Variants in TMEM263 observed in about 807,000 individuals in gnomAD.
TMEM263 encodes the protein UPF0444 transmembrane protein C12orf23.
TMEM263 carries 5 observed loss-of-function variants against 8.6 expected under a neutral mutation model. That is an observed-to-expected ratio of 0.58 (90% confidence interval 0.31 to 1.23). The LOEUF (loss-of-function observed/expected upper bound fraction) is 1.23, where lower values mean the gene tolerates loss of function less well. TMEM263 is among the 50% of genes most tolerant of loss of function. The pLI, the probability that TMEM263 is intolerant of heterozygous loss-of-function variation, is 0.07. For missense variants in TMEM263, 104 were observed against 138.8 expected, an observed-to-expected ratio of 0.75 and a Z score of 1.26; for synonymous variants, 50 against 47.9, an observed-to-expected ratio of 1.04 and a Z score of -0.18.
chr12:106,973,348 T>C lies in TMEM263; in HGVS notation c.*1957T>C, dbSNP rs1286909065. 4.6e-5 allele frequency: 7 copies of C among 152,636 alleles called. No individual in the cohort carries two copies. The highest frequency in any genetic ancestry group is 8.8e-5 in the Non-Finnish European group (6 of 68,012). 9.5% of individuals were successfully genotyped at this position (152,636 alleles called of 1,614,324 possible). On this transcript the variant is annotated 3_prime_UTR_variant, in exon 4 of 4. Coordinates refer to ENST00000280756, the MANE Select transcript of TMEM263 (RefSeq NM_152261.4). ...TTGCTTCATTGCTAGTTTGTATTTC[T>C]AACTTCTACAGTTATAGACTCCACT...
At chr12:106,963,429 A>G (rs988665540) in intron 2 of TMEM263, among the ~76,000 whole-genome samples, 1 of 152,200 alleles carries the variant, frequency 6.6e-6, no homozygotes, top group African/African-American at 2.4e-5. Context: ...AGGCAACAGA[A>G]TTTACCGATA....
intron 3 of TMEM263, among the ~76,000 whole-genome samples, chr12:106,970,081 ATTT>A (rs949790640): frequency 2.4e-4 from 36 of 152,150 alleles, no homozygotes; most frequent in Non-Finnish European, 4.7e-4. Flanking sequence ...AATAAAAATG[ATTT>A]TTTAGGTAGA....
chr12:106,963,640 G>T (rs1226660475), intron 2 of TMEM263, among the ~76,000 whole-genome samples: 3 of 152,146 alleles, frequency 2.0e-5, no homozygotes, highest in Non-Finnish European at 4.4e-5. Context: ...TTAAGGCACA[G>T]ATATGACAGT....
chr12:106,956,427 G>C (rs371694730), intron 1 of TMEM263, among the ~76,000 whole-genome samples: 2 of 152,296 alleles, frequency 1.3e-5, no homozygotes, highest in South Asian at 2.1e-4. Context: ...GAGGGGCTTG[G>C]GTACCGGGCT....
intron 2 of TMEM263, 110 bp from the exon 3 acceptor site, chr12:106,967,001 A>G (rs777788652): frequency 1.4e-6 from 1 of 706,176 alleles, no homozygotes; most frequent in Non-Finnish European, 2.4e-6. Flanking sequence ...AGTGGGTACA[A>G]AATGTTGTTT....
At position 106,972,064 on chromosome 12, in the gene TMEM263, G is replaced by A. The variant is rs1392580322; in HGVS notation, c.*673G>A. On this transcript the variant is annotated 3_prime_UTR_variant, in exon 4 of 4. Transcript: ENST00000280756. ...GAATCATCTATGGATTCTTTTAAAG[G>A]TTGTTTGTGAAATTAGTTTTCCCTT... is the stretch of plus-strand genomic sequence containing the variant. 1 of 152,574 alleles carries A rather than the reference G, an allele frequency of 6.6e-6. No individual in the cohort carries two copies. Among genetic ancestry groups the A allele is most frequent in the African/African-American group, 2.4e-5 (1 of 41,426 alleles). 9.5% of individuals were successfully genotyped at this position (152,574 alleles called of 1,614,324 possible). A position where few individuals can be genotyped will look rare whatever the true frequency, so the allele number is the denominator to read the frequency against.
intron 3 of TMEM263, among the ~76,000 whole-genome samples, chr12:106,970,618 G>T (rs1475841910): frequency 1.3e-5 from 2 of 152,104 alleles, no homozygotes; most frequent in African/African-American, 4.8e-5. Flanking sequence ...TTTTTACCTT[G>T]TAGACCCCCT....
intron 2 of TMEM263, among the ~76,000 whole-genome samples, chr12:106,964,531 A>G (rs759798652): frequency 1.3e-5 from 2 of 152,238 alleles, no homozygotes; most frequent in Non-Finnish European, 2.9e-5. Context: ...CCAGTAATGC[A>G]TCAGCTGAAA....
Position 106,957,168 on chromosome 12 carries a change from GTGTGT to G in TMEM263, c.-7+20_-7+24del. Reference sequence around the variant, plus strand: ...CCAACAGGTAAACGCGCGCGCCCGTGTGTGTGTGTGTGTGTGTGTGTGTGTGTGTG... The same window carrying G: ...CCAACAGGTAAACGCGCGCGCCCGTGGTGTGTGTGTGTGTGTGTGTGTGTG... On this transcript the variant is annotated intron_variant, in intron 2 of 3. Transcript: ENST00000280756. 5.9e-5 allele frequency: 3 copies of G among 51,010 alleles called. No homozygotes were observed. Among genetic ancestry groups the G allele is most frequent in the Non-Finnish European group, 6.4e-5 (3 of 46,996 alleles). The allele number at this position is 51,010 out of a possible 1,614,324, so 3.2% of individuals were successfully genotyped here.
At chr12:106,970,713 C>T (rs1266698032) in intron 3 of TMEM263, among the ~76,000 whole-genome samples, 1 of 152,204 alleles carries the variant, frequency 6.6e-6, no homozygotes, top group Non-Finnish European at 1.5e-5. Context: ...TCGGTAATGA[C>T]TGATTAAATC....
intron 2 of TMEM263, among the ~76,000 whole-genome samples, chr12:106,960,956 G>C (rs1951765299): frequency 6.6e-6 from 1 of 152,056 alleles, no homozygotes; most frequent in African/African-American, 2.4e-5. Flanking sequence ...CCATATATTG[G>C]TAGGTATTTC....
chr12:106,970,440 T>G (rs1951904338), intron 3 of TMEM263, among the ~76,000 whole-genome samples: 1 of 152,218 alleles, frequency 6.6e-6, no homozygotes, highest in Non-Finnish European at 1.5e-5. Flanking sequence ...TTTATACATT[T>G]TAGCAAATCT....
chr12:106,960,215 A>G (rs1043157924), intron 2 of TMEM263, among the ~76,000 whole-genome samples: 1 of 151,994 alleles, frequency 6.6e-6, no homozygotes, highest in Admixed American at 6.5e-5. Flanking sequence ...TTGTATTTTT[A>G]GTAGAGATGG....
At chr12:106,968,551 C>G (rs1566225692) in intron 3 of TMEM263, among the ~76,000 whole-genome samples, 1 of 152,026 alleles carries the variant, frequency 6.6e-6, no homozygotes, top group Non-Finnish European at 1.5e-5. Context: ...AGAAAGAAAT[C>G]AGAAAAGGGA....
chr12:106,961,130 C>T (rs1951769876), intron 2 of TMEM263, among the ~76,000 whole-genome samples: 1 of 151,684 alleles, frequency 6.6e-6, no homozygotes, highest in South Asian at 2.1e-4. Context: ...TCATGGCTCA[C>T]TGCAGCTGCT....
chr12:106,957,435 T>G (rs1192815651), intron 2 of TMEM263, among the ~76,000 whole-genome samples: 2 of 152,196 alleles, frequency 1.3e-5, no homozygotes, highest in Non-Finnish European at 2.9e-5. Context: ...TACAGATTTC[T>G]TTGTGTGTGC....
At chr12:106,963,122 A>G (rs1180809325) in intron 2 of TMEM263, among the ~76,000 whole-genome samples, 2 of 152,238 alleles carry the variant, frequency 1.3e-5, no homozygotes, top group Non-Finnish European at 2.9e-5. Context: ...AGGAAAGGAT[A>G]AACAAGGAAC....
intron 1 of TMEM263, among the ~76,000 whole-genome samples, chr12:106,956,591 T>C (rs1951695493): frequency 6.6e-6 from 1 of 152,014 alleles, no homozygotes; most frequent in Non-Finnish European, 1.5e-5. Context: ...ATGGAGAGGG[T>C]GCTGGCCGCG....
chr12:106,962,397 G>A (rs1289226579), intron 2 of TMEM263, among the ~76,000 whole-genome samples: 1 of 151,956 alleles, frequency 6.6e-6, no homozygotes, highest in African/African-American at 2.4e-5. Flanking sequence ...CATAATGTAT[G>A]TCTTTTGGAA....
Sources: gnomAD v4.1 joint callset for allele counts (sites outside exome capture counted in the v4.1 genomes callset) on GRCh38, gnomAD v4.1.1 for gene constraint, MANE v1.5 for transcripts, NCBI Gene and HGNC (gene_info 2026-07-23, HGNC 2026-07-21) for gene names.